Variants in DNAH14 observed in about 807,000 individuals in gnomAD.
The protein encoded by DNAH14 is dynein axonemal heavy chain 14, also known as axonemal beta dynein heavy chain 14.
Under a neutral mutation model 520.9 loss-of-function variants are expected in DNAH14, and 478 were observed. The observed-to-expected ratio is 0.92, with a 90% CI of 0.85 to 0.99. DNAH14 has a LOEUF of 0.99. Among genes scored for constraint, DNAH14 ranks in the 50% least tolerant of loss-of-function variants. DNAH14 has a pLI of 0.00. For synonymous variants in DNAH14, 1,581 were observed against 1,757.2 expected, an observed-to-expected ratio of 0.90 and a Z score of 2.51; for missense variants, 4,831 against 5,234.5, an observed-to-expected ratio of 0.92 and a Z score of 2.38.
intron 79 of DNAH14, 38 bp downstream of exon 79, chr1:225,377,474 A>G (rs907621537): frequency 6.6e-7 from 1 of 1,517,968 alleles, no homozygotes; most frequent in African/African-American, 1.4e-5. Context: ...GTCAAAAATT[A>G]TCAGGCTGGG....
intron 75 of DNAH14, 93 bp downstream of exon 75, chr1:225,360,984 A>G (rs2095486199): frequency 1.7e-6 from 2 of 1,164,666 alleles, no homozygotes; most frequent in South Asian, 1.5e-5. Context: ...TGTGTAAACA[A>G]TAGCAAAATA....
intron 73 of DNAH14, among the ~76,000 whole-genome samples, chr1:225,355,542 T>C (rs570051256): frequency 1.1e-3 from 160 of 152,278 alleles, no homozygotes; most frequent in Non-Finnish European, 1.7e-3. Context: ...AGGCTCCACC[T>C]CTTAATACTA....
intron 6 of DNAH14, chr1:224,967,924 A>T (rs1003084162): frequency 6.7e-6 from 8 of 1,200,622 alleles, no homozygotes; most frequent in Non-Finnish European, 8.3e-6. Flanking sequence ...CTTTATTGGC[A>T]CATTTGTCAG....
At chr1:225,122,438 C>G (rs565434835) in intron 26 of DNAH14, among the ~76,000 whole-genome samples, 11 of 152,154 alleles carry the variant, frequency 7.2e-5, no homozygotes, top group Non-Finnish European at 1.3e-4. Flanking sequence ...TTGTGACACT[C>G]TACTGTGCCT....
chr1:225,101,209 A>C (rs2148727961), intron 23 of DNAH14, among the ~76,000 whole-genome samples: 1 of 151,784 alleles, frequency 6.6e-6, no homozygotes, highest in East Asian at 1.9e-4. Context: ...ACTTTTTTAA[A>C]ATATTGTTAG....
At chr1:225,226,962 C>T (rs1241370647) in intron 41 of DNAH14, among the ~76,000 whole-genome samples, 4 of 152,166 alleles carry the variant, frequency 2.6e-5, no homozygotes, top group African/African-American at 9.7e-5. Context: ...ACAAACATCT[C>T]AATGCAGTAA....
intron 38 of DNAH14, among the ~76,000 whole-genome samples, chr1:225,203,241 G>A (rs1001328334): frequency 6.6e-6 from 1 of 152,190 alleles, no homozygotes; most frequent in Admixed American, 6.5e-5. Context: ...TTCTCTGCAA[G>A]TCAAAACAAT....
At chr1:225,365,967 TACAG>T (rs1296641596) in intron 76 of DNAH14, among the ~76,000 whole-genome samples, 14 of 152,214 alleles carry the variant, frequency 9.2e-5, no homozygotes, top group Non-Finnish European at 1.8e-4. Flanking sequence ...CCATTATTTA[TACAG>T]ACAGAGATGA....
At chr1:225,369,289 G>T (rs571760105) in intron 77 of DNAH14, among the ~76,000 whole-genome samples, 1 of 151,976 alleles carries the variant, frequency 6.6e-6, no homozygotes, top group South Asian at 2.1e-4. Context: ...TCAATAAAAG[G>T]CAAGACTATT....
At chr1:225,335,321 A>G (rs1173414430) in intron 66 of DNAH14, among the ~76,000 whole-genome samples, 2 of 122,408 alleles carry the variant, frequency 1.6e-5, no homozygotes, top group Admixed American at 8.3e-5. Flanking sequence ...GTGTATATGC[A>G]CATATACACG....
chr1:225,045,481 G>A lies in DNAH14; in HGVS notation c.1912+1498G>A, dbSNP rs144621287. Among the ~76,000 whole-genome samples, 40 of 151,976 alleles carry A rather than the reference G, an allele frequency of 2.6e-4. No individual in the cohort carries two copies. The East Asian group carries it at 3.7e-3, about 14-fold the overall frequency. ...ATTTTCTGTGCCAGGATCTAATCCCGGATCACACATTGCATATATTAATAG... is the reference window on the plus strand; with the variant it reads ...ATTTTCTGTGCCAGGATCTAATCCCAGATCACACATTGCATATATTAATAG... On this transcript the variant is annotated intron_variant, in intron 15 of 85. Transcript: ENST00000682510.
At chr1:225,320,432 C>T (rs2094537647) in intron 61 of DNAH14, among the ~76,000 whole-genome samples, 1 of 152,188 alleles carries the variant, frequency 6.6e-6, no homozygotes. Context: ...TGTCTTTGAA[C>T]TCCTTGAGTA....
intron 81 of DNAH14, among the ~76,000 whole-genome samples, chr1:225,382,128 T>C (rs1214033564): frequency 6.6e-6 from 1 of 152,158 alleles, no homozygotes; most frequent in African/African-American, 2.4e-5. Context: ...TATACCAGAT[T>C]GAAAACCTGT....
intron 47 of DNAH14, 55 bp downstream of exon 47, chr1:225,264,316 A>AT: frequency 7.7e-7 from 1 of 1,296,290 alleles, no homozygotes; most frequent in Non-Finnish European, 1.1e-6. Context: ...CTTCACAACC[A>AT]TGTGTATATT....
intron 10 of DNAH14, among the ~76,000 whole-genome samples, chr1:225,021,479 G>A (rs934961786): frequency 3.9e-5 from 6 of 152,080 alleles, no homozygotes; most frequent in Non-Finnish European, 7.4e-5. Context: ...AAAATCAGTA[G>A]CATTTCTGTA....
chr1:225,108,850 C>T (rs1255792151), intron 23 of DNAH14, among the ~76,000 whole-genome samples: 6 of 152,140 alleles, frequency 3.9e-5, no homozygotes, highest in Non-Finnish European at 2.9e-5. Flanking sequence ...AGTTTGAGGT[C>T]TCAGATTTAA....
chr1:225,266,049 A>G (rs2093103692), intron 48 of DNAH14, among the ~76,000 whole-genome samples: 1 of 152,124 alleles, frequency 6.6e-6, no homozygotes, highest in African/African-American at 2.4e-5. Flanking sequence ...GCTAGTGCAC[A>G]CAGAGATTAC....
At chr1:225,227,312 C>G (rs750406881) in intron 41 of DNAH14, among the ~76,000 whole-genome samples, 1 of 152,056 alleles carries the variant, frequency 6.6e-6, no homozygotes, top group Non-Finnish European at 1.5e-5. Flanking sequence ...GCATTGTGTC[C>G]CTGGGTACTT....
intron 71 of DNAH14, among the ~76,000 whole-genome samples, chr1:225,347,400 T>C (rs2095302605): frequency 1.3e-5 from 2 of 152,182 alleles, no homozygotes; most frequent in Non-Finnish European, 2.9e-5. Context: ...TGCCTATTCA[T>C]GCCTCCCCCT....
Sources: allele counts gnomAD v4.1 joint callset (sites outside exome capture counted in the v4.1 genomes callset), GRCh38; gene constraint gnomAD v4.1.1; transcripts MANE v1.5; gene names NCBI Gene and HGNC (gene_info 2026-07-23, HGNC 2026-07-21).